The following GPSM2 variants were observed in gnomAD, a reference collection of about 807,000 sequenced individuals.
The protein encoded by GPSM2 is G protein-signaling modulator 2.
Under a neutral mutation model 78.4 loss-of-function variants are expected in GPSM2, and 58 were observed. The ratio of observed to expected loss-of-function variants is 0.74; its 90% CI spans 0.60 to 0.92. The LOEUF (loss-of-function observed/expected upper bound fraction) is 0.92, where lower values mean the gene tolerates loss of function less well. Among genes scored for constraint, GPSM2 ranks in the 40% least tolerant of loss-of-function variants. The pLI, the probability that GPSM2 is intolerant of heterozygous loss-of-function variation, is 0.00. For synonymous variants in GPSM2, 224 were observed against 280.2 expected, an observed-to-expected ratio of 0.80 and a Z score of 2.00; for missense variants, 700 against 815.5, an observed-to-expected ratio of 0.86 and a Z score of 1.73.
At chr1:108,884,472 C>T (rs1045585049) in intron 1 of GPSM2, among the ~76,000 whole-genome samples, 3 of 152,078 alleles carry the variant, frequency 2.0e-5, no homozygotes, top group African/African-American at 7.2e-5. Context: ...CTATGCACAA[C>T]AATTGAGAAA....
intron 1 of GPSM2, among the ~76,000 whole-genome samples, chr1:108,884,467 C>A (rs1256855195): frequency 6.6e-5 from 10 of 152,276 alleles, no homozygotes; most frequent in East Asian, 1.9e-4. Flanking sequence ...TGTAGCTATG[C>A]ACAACAATTG....
intron 2 of GPSM2, among the ~76,000 whole-genome samples, chr1:108,893,268 A>C (rs1648104489): frequency 6.6e-6 from 1 of 152,234 alleles, no homozygotes; most frequent in Admixed American, 6.5e-5. Context: ...TCCGATTTTT[A>C]AATGTTGTTC....
chr1:108,906,577 A>G (rs973849955), intron 10 of GPSM2, among the ~76,000 whole-genome samples: 11 of 141,504 alleles, frequency 7.8e-5, no homozygotes, highest in African/African-American at 2.4e-4. Context: ...TTTTTTTTCT[A>G]AATTAAAAAA....
chr1:108,911,956 G>T (rs1171790291), intron 10 of GPSM2, among the ~76,000 whole-genome samples: 1 of 151,736 alleles, frequency 6.6e-6, no homozygotes, highest in African/African-American at 2.4e-5. Context: ...TAAGGCACAT[G>T]CCACCATGTC....
chr1:108,882,294 GT>G (rs1665937008), intron 1 of GPSM2, among the ~76,000 whole-genome samples: 1 of 152,130 alleles, frequency 6.6e-6, no homozygotes, highest in African/African-American at 2.4e-5. Flanking sequence ...TGGGGAATTG[GT>G]TCCAGGACCC....
At chr1:108,902,158 G>A (rs1003027140) in intron 8 of GPSM2, among the ~76,000 whole-genome samples, 1 of 152,014 alleles carries the variant, frequency 6.6e-6, no homozygotes, top group African/African-American at 2.4e-5. Context: ...CAAGATCAAT[G>A]ACTAGGTCCC....
Position 108,922,584 on chromosome 1 carries a change from ATC to A in GPSM2, c.1600+12_1600+13del, listed in dbSNP as rs1411315630. On this transcript the variant is annotated intron_variant, in intron 13 of 14. Coordinates refer to ENST00000264126, the MANE Select transcript of GPSM2 (RefSeq NM_013296.5). ...CTAAAATGATGCTAAAAAGTAAGTC[ATC>A]TCTGTTTCTCCCCCGATTTTAATAG... The A allele has an allele frequency of 9.3e-6, 15 of 1,606,330 alleles. No individual in the cohort carries two copies. Among genetic ancestry groups the A allele is most frequent in the Non-Finnish European group, 1.1e-5 (13 of 1,173,214 alleles).
chr1:108,895,067 C>T (rs1423049948), intron 2 of GPSM2, among the ~76,000 whole-genome samples: 2 of 152,190 alleles, frequency 1.3e-5, no homozygotes, highest in Non-Finnish European at 2.9e-5. Context: ...GTTTAATTCA[C>T]ATTTCTTATA....
intron 14 of GPSM2, chr1:108,926,708 C>T (rs976675793): frequency 6.6e-6 from 1 of 152,094 alleles, no homozygotes; most frequent in African/African-American, 2.4e-5. Context: ...AAATTAGCAA[C>T]AGTAGGAAAC....
chr1:108,934,516 T>C lies in GPSM2; in HGVS notation c.*4576T>C. On this transcript the variant is annotated 3_prime_UTR_variant, in exon 15 of 15. Coordinates refer to ENST00000264126, the MANE Select transcript of GPSM2 (RefSeq NM_013296.5). ...ATAACGTGTTTGTTAATTCTAATTG[T>C]CAGTAAAAATGTGAATGTTGAAGTT... is the stretch of plus-strand genomic sequence containing the variant. 1.3e-6 allele frequency: 1 copy of C among 798,634 alleles called. No individual in the cohort carries two copies. 49.5% of individuals were successfully genotyped at this position (798,634 alleles called of 1,614,324 possible). A position where few individuals can be genotyped will look rare whatever the true frequency, so the allele number is the denominator to read the frequency against.
chr1:108,927,812 A>T (rs1357384426), intron 14 of GPSM2, among the ~76,000 whole-genome samples: 4 of 152,058 alleles, frequency 2.6e-5, no homozygotes, highest in African/African-American at 9.7e-5. Context: ...TCTATAAAAA[A>T]ATTTTTTTAA....
chr1:108,897,653 G>T lies in GPSM2; in HGVS notation c.414+26G>T. 1.9e-6 allele frequency: 3 copies of T among 1,600,346 alleles called. 1 individual carries two copies. In the South Asian group the frequency reaches 3.3e-5, roughly 18 times the overall value. On this transcript the variant is annotated intron_variant, in intron 4 of 14. Coordinates refer to ENST00000264126, the MANE Select transcript of GPSM2 (RefSeq NM_013296.5). ...GTAATACCGCAGCATTAGATGGTAG[G>T]CCTAATATTTTCATTCAAAGGGCTT... is the stretch of plus-strand genomic sequence containing the variant.
rs1650457555 is a variant in GPSM2 at position 108,918,623 on chromosome 1, G to A, written c.1274G>A (p.Trp425Ter). 6.2e-7 allele frequency: 1 copy of A among 1,612,374 alleles called. No homozygotes were observed. The highest frequency in any genetic ancestry group is 8.5e-7 in the Non-Finnish European group (1 of 1,178,636). Reference sequence around the variant, plus strand: ...TTTATAATTTTGTAGGTACAGAACTGGAACAGTGAAATTCTTGCTAAGCAA... The same window carrying A: ...TTTATAATTTTGTAGGTACAGAACTAGAACAGTGAAATTCTTGCTAAGCAA... ...MKLTPEKVQN[W>*]NSEILAKQKP... Residue 425 changes from tryptophan (W) to a stop codon, truncating the protein, a stop_gained, in exon 12 of 15, where the codon TGG becomes TAG. Coordinates refer to ENST00000264126, the MANE Select transcript of GPSM2 (RefSeq NM_013296.5). LOFTEE classifies it high-confidence loss of function.
intron 3 of GPSM2, 78 bp downstream of exon 3, chr1:108,897,163 A>G: frequency 1.9e-6 from 2 of 1,067,288 alleles, no homozygotes; most frequent in Admixed American, 3.6e-5. Flanking sequence ...TTCAATTAAC[A>G]AAAACTAACT....
chr1:108,910,555 C>T (rs955243627), intron 10 of GPSM2, among the ~76,000 whole-genome samples: 1 of 152,120 alleles, frequency 6.6e-6, no homozygotes, highest in African/African-American at 2.4e-5. Flanking sequence ...CAAAGCAAAT[C>T]CAGTAATGTA....
At chr1:108,917,609 CACATATATATATATATATATATAT>C (rs1456377840) in intron 11 of GPSM2, among the ~76,000 whole-genome samples, 3 of 90,192 alleles carry the variant, frequency 3.3e-5, no homozygotes, top group African/African-American at 9.4e-5. Flanking sequence ...CACACACACA[CACATATATATATATATATATATAT>C]ATATATATAT....
intron 7 of GPSM2, among the ~76,000 whole-genome samples, chr1:108,899,207 T>C (rs1648610944): frequency 6.6e-6 from 1 of 152,236 alleles, no homozygotes; most frequent in Non-Finnish European, 1.5e-5. Context: ...TACACAGTGC[T>C]CAATAAATAT....
intron 11 of GPSM2, among the ~76,000 whole-genome samples, chr1:108,915,368 CAAA>C (rs778325980): frequency 0.079 from 7,166 of 91,144 alleles, 474 homozygotes; most frequent in African/African-American, 0.2. Context: ...AGACTTGTCT[CAAA>C]AAAAAAAAAA....
At chr1:108,914,665 G>A (rs1308254254) in intron 11 of GPSM2, among the ~76,000 whole-genome samples, 2 of 152,116 alleles carry the variant, frequency 1.3e-5, no homozygotes, top group Non-Finnish European at 2.9e-5. Context: ...TAAGAAACGG[G>A]CTAACAATGA....
Sources: gnomAD v4.1 joint callset for allele counts (sites outside exome capture counted in the v4.1 genomes callset) on GRCh38, gnomAD v4.1.1 for gene constraint, MANE v1.5 for transcripts, NCBI Gene and HGNC (gene_info 2026-07-23, HGNC 2026-07-21) for gene names.